PLEKHG4B: variants seen among roughly 807,000 people sequenced by gnomAD.
PLEKHG4B encodes the protein pleckstrin homology domain-containing family G member 4B.
PLEKHG4B carries 111 observed loss-of-function variants against 121.3 expected under a neutral mutation model. The ratio of observed to expected loss-of-function variants is 0.92; its 90% CI spans 0.78 to 1.07. The LOEUF is 1.07. Among genes scored for constraint, PLEKHG4B ranks in the 50% least tolerant of loss-of-function variants. PLEKHG4B has a pLI of 0.00. For missense variants in PLEKHG4B, 1,831 were observed against 1,757.8 expected (o/e 1.04, Z -0.74); for synonymous variants, 738 against 725.0 (o/e 1.02, Z -0.29).
chr5:161,798 G>C lies in PLEKHG4B; in HGVS notation c.2503G>C (p.Gly835Arg). 6.2e-7 allele frequency: 1 copy of C among 1,613,760 alleles called. No individual in the cohort carries two copies. Among genetic ancestry groups the C allele is most frequent in the Non-Finnish European group, 8.5e-7 (1 of 1,180,014 alleles). ...TTGGGTACAGCAATCCTGCCAGAAA[G>C]GACTACAGCTGGCGAAGGAGAACCC... The part of the protein sequence containing the change: ...EGNDQQSCQK[G>R]LQLAKENPQR... Residue 835 changes from glycine to arginine, a missense_variant, in exon 12 of 20, where the codon GGA becomes CGA. By Grantham distance (125) the Gly-to-Arg change is moderately radical (BLOSUM62 -2). Coordinates refer to ENST00000637938, the MANE Select transcript of PLEKHG4B (RefSeq NM_052909.5).
chr5:126,687 G>A (rs1204755303), intron 2 of PLEKHG4B, among the ~76,000 whole-genome samples: 1 of 152,144 alleles, frequency 6.6e-6, no homozygotes, highest in African/African-American at 2.4e-5. Context: ...TGTTGAAGCG[G>A]CACTGTTTTC....
chr5:111,211 A>G (rs554223148), intron 1 of PLEKHG4B, among the ~76,000 whole-genome samples: 7 of 152,394 alleles, frequency 4.6e-5, no homozygotes, highest in Admixed American at 1.3e-4. Context: ...GAAGGCTGCT[A>G]TGAATAAACC....
At chr5:106,629 C>G (rs1353900305) in intron 1 of PLEKHG4B, among the ~76,000 whole-genome samples, 1 of 152,152 alleles carries the variant, frequency 6.6e-6, no homozygotes, top group Non-Finnish European at 1.5e-5. Context: ...TTGTCAGGAC[C>G]CCACTCTGCA....
rs564952526 is a variant in PLEKHG4B at position 108,366 on chromosome 5, G to A, written c.46-4885G>A. Reference sequence around the variant, plus strand: ...CCTGTTGTACCAACTTCGGGCCAACGGAACTTTTAGCCTTAGAAGCGTCTT... The same window carrying A: ...CCTGTTGTACCAACTTCGGGCCAACAGAACTTTTAGCCTTAGAAGCGTCTT... On this transcript the variant is annotated intron_variant, in intron 1 of 19. Coordinates refer to ENST00000637938, the MANE Select transcript of PLEKHG4B (RefSeq NM_052909.5). 1.1e-3 allele frequency among the ~76,000 whole-genome samples: 171 copies of A among 152,318 alleles called. 1 individual carries two copies. The highest frequency in any genetic ancestry group is 7.3e-4 in the Non-Finnish European group (50 of 68,028).
chr5:171,847 G>C (rs1320779667), intron 16 of PLEKHG4B, among the ~76,000 whole-genome samples: 1 of 152,252 alleles, frequency 6.6e-6, no homozygotes, highest in African/African-American at 2.4e-5. Flanking sequence ...GCGTGGGGCT[G>C]ACCTTGGCTC....
intron 7 of PLEKHG4B, among the ~76,000 whole-genome samples, chr5:152,951 T>A (rs1447824155): frequency 6.6e-6 from 1 of 152,228 alleles, no homozygotes; most frequent in Non-Finnish European, 1.5e-5. Context: ...CTGCCATGAT[T>A]GTAAGTTTCC....
At chr5:178,874 A>C (rs1736844873) in intron 18 of PLEKHG4B, among the ~76,000 whole-genome samples, 3 of 152,218 alleles carry the variant, frequency 2.0e-5, no homozygotes. Context: ...ACCTACACAC[A>C]TGCTCCTATA....
intron 14 of PLEKHG4B, 69 bp from the exon 15 acceptor site, chr5:170,974 G>T: frequency 7.5e-7 from 1 of 1,327,822 alleles, no homozygotes; most frequent in Non-Finnish European, 1.1e-6. Context: ...AGTCTGACCC[G>T]GGCTGCGGGA....
intron 13 of PLEKHG4B, among the ~76,000 whole-genome samples, chr5:166,556 A>G (rs1281895588): frequency 1.3e-5 from 2 of 149,092 alleles, no homozygotes; most frequent in African/African-American, 2.5e-5. Flanking sequence ...GCTCACACTA[A>G]TGCTCTGACG....
At chr5:100,153 T>C (rs1331397149) in intron 1 of PLEKHG4B, among the ~76,000 whole-genome samples, 1 of 152,188 alleles carries the variant, frequency 6.6e-6, no homozygotes, top group African/African-American at 2.4e-5. Context: ...TAGAACTAAT[T>C]TTTTGACTCT....
At position 139,376 on chromosome 5, in the gene PLEKHG4B, G is replaced by T; in HGVS notation, c.244-107G>T. 2.5e-6 allele frequency: 1 copy of T among 398,478 alleles called. No homozygotes were observed. The highest frequency in any genetic ancestry group is 4.4e-5 in the Admixed American group (1 of 22,742). The allele number at this position is 398,478 out of a possible 1,614,324, so 24.7% of individuals were successfully genotyped here. A position where few individuals can be genotyped will look rare whatever the true frequency, so the allele number is the denominator to read the frequency against. Reference sequence around the variant, plus strand: ...CCAGCCCCCGTGAGACCCCTTCCTTGTGGGAGCTCAGTCACTGACCTTCCC... The same window carrying T: ...CCAGCCCCCGTGAGACCCCTTCCTTTTGGGAGCTCAGTCACTGACCTTCCC... On this transcript the variant is annotated intron_variant, in intron 2 of 19. Coordinates refer to ENST00000637938, the MANE Select transcript of PLEKHG4B (RefSeq NM_052909.5). This position sits in a 1 kb window ranked among gnomAD's most constrained non-coding sequence, Gnocchi z 5.0.
intron 1 of PLEKHG4B, among the ~76,000 whole-genome samples, chr5:111,503 C>G (rs577354276): frequency 5.9e-5 from 9 of 152,326 alleles, no homozygotes; most frequent in South Asian, 2.1e-4. Flanking sequence ...GAGAAGGTGG[C>G]CCTGGACAGA....
chr5:140,376 C>T lies in PLEKHG4B; in HGVS notation c.1137C>T (p.Ser379=). 1 of 1,551,594 alleles carries T rather than the reference C, an allele frequency of 6.4e-7. No individual in the cohort carries two copies. Among genetic ancestry groups the T allele is most frequent in the Middle Eastern group, 1.7e-4 (1 of 5,830 alleles). The part of the protein sequence containing the change: ...SEEALGDLAC[S]SLTGASRDLG... Reference sequence around the variant, plus strand: ...AGGCCCTCGGGGACCTGGCCTGCAGCTCCCTGACTGGAGCCAGCAGGGACC... The same window carrying T: ...AGGCCCTCGGGGACCTGGCCTGCAGTTCCCTGACTGGAGCCAGCAGGGACC... The change falls in exon 3 of 20, where the codon AGC becomes AGT. Residue 379 remains serine, a synonymous_variant. Coordinates refer to ENST00000637938, the MANE Select transcript of PLEKHG4B (RefSeq NM_052909.5).
At chr5:175,043 G>A (rs540094997) in intron 18 of PLEKHG4B, among the ~76,000 whole-genome samples, 10 of 152,174 alleles carry the variant, frequency 6.6e-5, no homozygotes, top group East Asian at 5.8e-4. Context: ...GATTGGCCCC[G>A]ACAGCACTCA....
Position 140,104 on chromosome 5 carries a change from G to A in PLEKHG4B, c.865G>A (p.Glu289Lys), listed in dbSNP as rs886925071. ...GTCTGGAAGCTCAGACAGGGACTTC[G>A]AAAAGGTCAGCCCCTCAGAGCAGGG... Reference protein sequence around the residue: ...TLSGSSDRDFEKVSPSEQGPR... With the variant: ...TLSGSSDRDFKKVSPSEQGPR... The change falls in exon 3 of 20, where the codon GAA becomes AAA. Residue 289 changes from glutamate (E) to lysine (K), a missense_variant. By Grantham distance (56) the Glu-to-Lys change is moderately conservative (BLOSUM62 1). Coordinates refer to ENST00000637938, the MANE Select transcript of PLEKHG4B (RefSeq NM_052909.5). The A allele has an allele frequency of 5.7e-5, 28 of 493,938 alleles. No individual in the cohort carries two copies. Among genetic ancestry groups the A allele is most frequent in the Middle Eastern group, 5.1e-4 (1 of 1,948 alleles). 30.6% of individuals were successfully genotyped at this position (493,938 alleles called of 1,614,324 possible). A position where few individuals can be genotyped will look rare whatever the true frequency, so the allele number is the denominator to read the frequency against.
chr5:144,462 G>C (rs1393893619), intron 5 of PLEKHG4B, among the ~76,000 whole-genome samples: 4 of 152,192 alleles, frequency 2.6e-5, no homozygotes, highest in African/African-American at 9.7e-5. Flanking sequence ...ATCACCTTCT[G>C]TGCTTACGTT....
At chr5:107,197 C>G (rs1006062720) in intron 1 of PLEKHG4B, among the ~76,000 whole-genome samples, 6 of 152,330 alleles carry the variant, frequency 3.9e-5, no homozygotes, top group African/African-American at 1.4e-4. Flanking sequence ...GCCAGCCCTG[C>G]TGAGGCGGCC....
At chr5:119,090 G>A (rs184011030) in intron 2 of PLEKHG4B, among the ~76,000 whole-genome samples, 2 of 151,922 alleles carry the variant, frequency 1.3e-5, no homozygotes, top group African/African-American at 4.8e-5. Context: ...AAACTCCTGG[G>A]CTTAAGTGAT....
chr5:110,029 C>T lies in PLEKHG4B; in HGVS notation c.46-3222C>T, dbSNP rs113947724. ...ACAAAATCTGTAACACACGTGCACA[C>T]ACCCACACAATCTGCAAGACACGTG... On this transcript the variant is annotated intron_variant, in intron 1 of 19. Coordinates refer to ENST00000637938, the MANE Select transcript of PLEKHG4B (RefSeq NM_052909.5). Among the ~76,000 whole-genome samples the T allele has an allele frequency of 3.1e-3, 454 of 147,408 alleles. 1 individual carries two copies. Among genetic ancestry groups the T allele is most frequent in the African/African-American group, 0.011 (410 of 37,232 alleles).
Sources: gnomAD v4.1 joint callset for allele counts (sites outside exome capture counted in the v4.1 genomes callset) on GRCh38, gnomAD v4.1.1 for gene constraint, Gnocchi (gnomAD v3.1) non-coding constraint, MANE v1.5 for transcripts, NCBI Gene and HGNC (gene_info 2026-07-23, HGNC 2026-07-21) for gene names.